ZZZ3: variants seen among roughly 807,000 people sequenced by gnomAD.
ZZZ3 encodes the protein zinc finger ZZ-type containing 3, also known as ZZ-type zinc finger-containing protein 3.
A neutral mutation model predicts 95.2 loss-of-function variants in ZZZ3; 22 were observed. The ratio of observed to expected loss-of-function variants is 0.23; its 90% CI spans 0.17 to 0.33. ZZZ3 has a LOEUF of 0.33. Among genes scored for constraint, ZZZ3 ranks in the 10% least tolerant of loss-of-function variants. The pLI is 1.00. For synonymous variants in ZZZ3, 335 were observed against 358.9 expected, an observed-to-expected ratio of 0.93 and a Z score of 0.75; for missense variants, 885 against 1,066.5, an observed-to-expected ratio of 0.83 and a Z score of 2.37.
At chr1:77,671,405 A>T (rs1409883618) in intron 1 of ZZZ3, among the ~76,000 whole-genome samples, 1 of 152,226 alleles carries the variant, frequency 6.6e-6, no homozygotes, top group African/African-American at 2.4e-5. Context: ...TACCAAAAAA[A>T]TTCATTAGAA....
chr1:77,623,288 A>G (rs1479724447), intron 5 of ZZZ3, among the ~76,000 whole-genome samples: 1 of 152,184 alleles, frequency 6.6e-6, no homozygotes, highest in East Asian at 1.9e-4. Context: ...CGGAGTATCA[A>G]AAAGGAAGAA....
intron 1 of ZZZ3, among the ~76,000 whole-genome samples, chr1:77,674,603 T>C (rs1014137617): frequency 1.3e-5 from 2 of 152,162 alleles, no homozygotes; most frequent in Non-Finnish European, 2.9e-5. Context: ...TATTATACTT[T>C]AATTGTATTT....
chr1:77,615,876 A>C (rs564504293), intron 5 of ZZZ3, among the ~76,000 whole-genome samples: 1 of 152,268 alleles, frequency 6.6e-6, no homozygotes, highest in African/African-American at 2.4e-5. Context: ...CCTTACAGGC[A>C]TATGCTACCT....
At chr1:77,612,000 G>A (rs1314284255) in intron 5 of ZZZ3, among the ~76,000 whole-genome samples, 4 of 151,892 alleles carry the variant, frequency 2.6e-5, no homozygotes, top group Non-Finnish European at 4.4e-5. Context: ...AAGCTTCAGC[G>A]TGGCAAAGGA....
At chr1:77,580,302 T>C (rs1267627852) in intron 9 of ZZZ3, 1 of 152,106 alleles carries the variant, frequency 6.6e-6, no homozygotes, top group Non-Finnish European at 1.5e-5. Context: ...AAAAAACAAT[T>C]CTAAACTGTA....
intron 5 of ZZZ3, among the ~76,000 whole-genome samples, chr1:77,602,962 C>T (rs945074585): frequency 2.0e-5 from 3 of 151,336 alleles, no homozygotes; most frequent in South Asian, 2.1e-4. Flanking sequence ...ATCTTCAAGG[C>T]AGTTTTAAAT....
rs1660521000 is a variant in ZZZ3 at position 77,562,768 on chromosome 1, G to T, written c.*2872C>A. ...TACTCTTAGGAAGCACACCACATCA[G>T]GAAAACAGAATGTAAGGCAACATCT... On this transcript the variant is annotated 3_prime_UTR_variant, in exon 15 of 15. Transcript: ENST00000370801. 6.6e-6 allele frequency: 1 copy of T among 152,308 alleles called. No individual in the cohort carries two copies. The highest frequency in any genetic ancestry group is 1.5e-5 in the Non-Finnish European group (1 of 68,062). The allele number at this position is 152,308 out of a possible 1,614,324, so 9.4% of individuals were successfully genotyped here.
At chr1:77,640,068 C>T (rs2100895730) in intron 3 of ZZZ3, among the ~76,000 whole-genome samples, 1 of 152,018 alleles carries the variant, frequency 6.6e-6, no homozygotes, top group East Asian at 1.9e-4. Flanking sequence ...AATAATCAAC[C>T]AAATCTTCTA....
rs1268003813 is a variant in ZZZ3, at chr1:77,639,454, C to T, written c.-57G>A. On this transcript the variant is annotated 5_prime_UTR_variant, in exon 4 of 15. Coordinates refer to ENST00000370801, the MANE Select transcript of ZZZ3 (RefSeq NM_015534.6). Reference sequence around the variant, plus strand: ...TGCAAAACTAAATAACTTACCTGTACAACCAAAGATCTATCATTGTGGAAA... The same window carrying T: ...TGCAAAACTAAATAACTTACCTGTATAACCAAAGATCTATCATTGTGGAAA... The T allele has an allele frequency of 2.6e-6, 4 of 1,517,626 alleles. No individual in the cohort carries two copies. Among genetic ancestry groups the T allele is most frequent in the Admixed American group, 2.2e-5 (1 of 46,180 alleles). The allele number at this position is 1,517,626 out of a possible 1,614,324, so 94.0% of individuals were successfully genotyped here.
At chr1:77,589,923 G>C (rs995410834) in intron 5 of ZZZ3, among the ~76,000 whole-genome samples, 3 of 152,104 alleles carry the variant, frequency 2.0e-5, no homozygotes, top group Non-Finnish European at 4.4e-5. Flanking sequence ...AAAAAAACTA[G>C]ATTTCCATTT....
chr1:77,583,739 G>C (rs1662771344), intron 6 of ZZZ3, among the ~76,000 whole-genome samples: 1 of 152,014 alleles, frequency 6.6e-6, no homozygotes, highest in African/African-American at 2.4e-5. Flanking sequence ...TTTTTAAGAA[G>C]AGGATTCTTT....
Position 77,568,471 on chromosome 1 carries a change from C to CAAAAAAAAAAA in ZZZ3, c.2332-16_2332-6dup, listed in dbSNP as rs10581619. ...GATAGGAATACTTTCGTCATCCTAT[C>CAAAAAAAAAAA]AAAAAAAAAAAAAAAAAAAAATGTT... On this transcript the variant is annotated splice_region_variant and splice_polypyrimidine_tract_variant and intron_variant, in intron 12 of 14. Coordinates refer to ENST00000370801, the MANE Select transcript of ZZZ3 (RefSeq NM_015534.6). 1 of 541,010 alleles carries CAAAAAAAAAAA rather than the reference C, an allele frequency of 1.8e-6. No individual in the cohort carries two copies. Among genetic ancestry groups the CAAAAAAAAAAA allele is most frequent in the Non-Finnish European group, 2.5e-6 (1 of 393,474 alleles). The allele number at this position is 541,010 out of a possible 1,614,324, so 33.5% of individuals were successfully genotyped here.
chr1:77,648,885 C>A (rs2100950764), intron 1 of ZZZ3, among the ~76,000 whole-genome samples: 1 of 152,206 alleles, frequency 6.6e-6, no homozygotes, highest in South Asian at 2.1e-4. Context: ...AATCCCAGAA[C>A]TTTGTGAGGC....
At chr1:77,666,129 G>A (rs78827535) in intron 1 of ZZZ3, among the ~76,000 whole-genome samples, 2,593 of 152,294 alleles carry the variant, frequency 0.017, 84 homozygotes, top group African/African-American at 0.059. Flanking sequence ...TATATCAAAC[G>A]TATATACGGA....
intron 6 of ZZZ3, among the ~76,000 whole-genome samples, chr1:77,583,034 G>C (rs1003993696): frequency 6.6e-6 from 1 of 152,044 alleles, no homozygotes; most frequent in African/African-American, 2.4e-5. Flanking sequence ...GAACCTGGGA[G>C]GCGGAAGTTA....
intron 12 of ZZZ3, among the ~76,000 whole-genome samples, chr1:77,573,138 G>GCCT (rs2100499701): frequency 6.6e-6 from 1 of 151,970 alleles, no homozygotes; most frequent in Admixed American, 6.5e-5. Flanking sequence ...TTTTTTTGGA[G>GCCT]CTGGAGTTTT....
chr1:77,581,295 T>C (rs1221753483), intron 8 of ZZZ3, among the ~76,000 whole-genome samples: 2 of 152,190 alleles, frequency 1.3e-5, no homozygotes, highest in East Asian at 3.8e-4. Context: ...TACATAATAG[T>C]ACTGTAACTT....
chr1:77,667,853 C>T (rs2101041660), intron 1 of ZZZ3, among the ~76,000 whole-genome samples: 1 of 151,098 alleles, frequency 6.6e-6, no homozygotes, highest in Admixed American at 6.6e-5. Flanking sequence ...GCAACCTCCA[C>T]CTACTGGGTT....
At chr1:77,627,760 T>A (rs1174628949) in intron 5 of ZZZ3, among the ~76,000 whole-genome samples, 1 of 152,164 alleles carries the variant, frequency 6.6e-6, no homozygotes, top group East Asian at 1.9e-4. Flanking sequence ...AGAACTGGTA[T>A]AAATGTTAGC....
Sources: gnomAD v4.1 joint callset for allele counts (sites outside exome capture counted in the v4.1 genomes callset) on GRCh38, gnomAD v4.1.1 for gene constraint, MANE v1.5 for transcripts, NCBI Gene and HGNC (gene_info 2026-07-23, HGNC 2026-07-21) for gene names.